Variants in SLC41A3 observed in about 807,000 individuals in gnomAD.
SLC41A3 encodes the protein SLC41A1-like 2.
SLC41A3 carries 44 observed loss-of-function variants against 45.4 expected under a neutral mutation model. That is an observed-to-expected ratio of 0.97 (90% confidence interval 0.76 to 1.25). SLC41A3 has a LOEUF of 1.25. Ranked by LOEUF, SLC41A3 falls within the 50% of genes most tolerant of loss-of-function variation. The pLI, the probability that SLC41A3 is intolerant of heterozygous loss-of-function variation, is 0.00. For missense variants in SLC41A3, 550 were observed against 600.6 expected (o/e 0.92, Z 0.88); for synonymous variants, 256 against 252.4 (o/e 1.01, Z -0.13).
chr3:126,101,074 G>A (rs533834177), intron 1 of SLC41A3, among the ~76,000 whole-genome samples: 23 of 152,336 alleles, frequency 1.5e-4, no homozygotes, highest in African/African-American at 4.8e-4. Flanking sequence ...CCTCCATCGC[G>A]GGCAGCCGCA....
intron 3 of SLC41A3, among the ~76,000 whole-genome samples, chr3:126,049,622 T>C (rs1943193721): frequency 6.6e-6 from 1 of 152,134 alleles, no homozygotes. Context: ...TATACATGAG[T>C]TGTGTGTGCA....
chr3:126,027,389 T>C (rs1281302647), intron 4 of SLC41A3, among the ~76,000 whole-genome samples: 1 of 152,126 alleles, frequency 6.6e-6, no homozygotes, highest in Non-Finnish European at 1.5e-5. Flanking sequence ...TACTCCCCTT[T>C]GCATTCCCCC....
rs553929365 is a variant in SLC41A3, at chr3:126,100,965, C to T, written c.-79+464G>A. 7.3e-4 allele frequency among the ~76,000 whole-genome samples: 111 copies of T among 152,374 alleles called. 1 individual carries two copies. The highest frequency in any genetic ancestry group is 1.4e-3 in the Non-Finnish European group (95 of 68,038). On this transcript the variant is annotated intron_variant, in intron 1 of 9. Coordinates refer to the SLC41A3 transcript ENST00000508835. ...TAACATGGCGAGACATAAACGTTCT[C>T]AAAGGCCACAAAAGCTTATAAAAGC...
chr3:126,067,756 G>T (rs187709165), intron 2 of SLC41A3, among the ~76,000 whole-genome samples, 191 bp downstream of exon 2: 120 of 152,182 alleles, frequency 7.9e-4, no homozygotes, highest in Non-Finnish European at 1.1e-3. Context: ...GTCTACTGAA[G>T]ATTAACTTGG....
At chr3:126,042,896 A>C (rs1235844156) in intron 3 of SLC41A3, among the ~76,000 whole-genome samples, 2 of 152,144 alleles carry the variant, frequency 1.3e-5, no homozygotes, top group African/African-American at 4.8e-5. Flanking sequence ...AATAAAACTT[A>C]ATGGAATTAC....
Position 126,008,750 on chromosome 3 carries a change from C to G in SLC41A3, c.1236G>C (p.Leu412=). ...GGCTTACCTGGATCAGGCCTGCCAG[C>G]AGGTAGAGCACCACAAAGGTCTGGC... ...INSQTFVVLY[L]LAGLIQVTIL... Residue 412 remains leucine (L), a synonymous_variant, in exon 10 of 11, where the codon CTG becomes CTC. Coordinates refer to ENST00000360370, the MANE Select transcript of SLC41A3 (RefSeq NM_017836.4). The G allele has an allele frequency of 6.2e-7, 1 of 1,613,964 alleles. No homozygotes were observed. Among genetic ancestry groups the G allele is most frequent in the South Asian group, 1.1e-5 (1 of 91,062 alleles).
At chr3:126,030,287 A>ATATATATGATATATAATATATAAT (rs1488386844) in intron 4 of SLC41A3, among the ~76,000 whole-genome samples, 3 of 65,324 alleles carry the variant, frequency 4.6e-5, no homozygotes, top group African/African-American at 1.8e-4. Flanking sequence ...ATATATAATT[A>ATATATATGATATATAATATATAAT]TATATATATT....
At chr3:126,092,177 T>C (rs1229856892) in intron 1 of SLC41A3, among the ~76,000 whole-genome samples, 1 of 152,232 alleles carries the variant, frequency 6.6e-6, no homozygotes, top group Admixed American at 6.5e-5. Flanking sequence ...CACTGTGACA[T>C]GCTTTTGATG....
intron 3 of SLC41A3, among the ~76,000 whole-genome samples, chr3:126,035,360 G>C (rs925537679): frequency 2.0e-5 from 3 of 152,160 alleles, no homozygotes; most frequent in Non-Finnish European, 4.4e-5. Flanking sequence ...CTGGTGATGA[G>C]GAGGGAAGGA....
chr3:126,033,682 G>T lies in SLC41A3; in HGVS notation c.382-4C>A. Reference sequence around the variant, plus strand: ...CATCAATTTGTCCAGTGTTGGCCTAGAATGAAGAGAAAAGGACAAAGGTAG... The same window carrying T: ...CATCAATTTGTCCAGTGTTGGCCTATAATGAAGAGAAAAGGACAAAGGTAG... On this transcript the variant is annotated splice_region_variant and splice_polypyrimidine_tract_variant and intron_variant, in intron 3 of 10. Transcript: ENST00000360370. 1 of 1,611,956 alleles carries T rather than the reference G, an allele frequency of 6.2e-7. No homozygotes were observed.
intron 3 of SLC41A3, among the ~76,000 whole-genome samples, chr3:126,050,384 G>C (rs1285739111): frequency 6.6e-6 from 1 of 152,220 alleles, no homozygotes; most frequent in East Asian, 1.9e-4. Context: ...AAGGGAAAAA[G>C]CTTCAGTCTC....
In SLC41A3 at chr3:126,016,733, G is replaced by C. The variant is rs1174174760; in HGVS notation, c.888C>G (p.Ser296Arg). ...CCGTGGCCCTGGCTCCTGCTCACCT[G>C]CTGATGACCATGGCCAGGATGATTG... ...WFPIILAMVISSFGGLILSKT... is the reference protein window; with the variant it reads ...WFPIILAMVIRSFGGLILSKT... The change falls in exon 7 of 11, where the codon AGC becomes AGG. Residue 296 changes from serine to arginine, a missense_variant and splice_region_variant. Physicochemically the swap from Ser to Arg is moderately radical, Grantham distance 110. Transcript: ENST00000360370. 6.2e-7 allele frequency: 1 copy of C among 1,608,600 alleles called. No homozygotes were observed. Among genetic ancestry groups the C allele is most frequent in the Non-Finnish European group, 8.5e-7 (1 of 1,178,022 alleles).
chr3:126,056,423 C>T lies in SLC41A3; in HGVS notation c.274-5373G>A, dbSNP rs140883435. 13,491 of 1,614,202 alleles carry T rather than the reference C, an allele frequency of 8.4e-3. 62 individuals are homozygous for T. The highest frequency in any genetic ancestry group is 9.9e-3 in the Non-Finnish European group (11,721 of 1,180,038). On this transcript the variant is annotated intron_variant, in intron 2 of 10. Coordinates refer to ENST00000360370, the MANE Select transcript of SLC41A3 (RefSeq NM_017836.4). ...AAGCCGGACAGCAGAATGGGCACCA[C>T]GACCTGGCACATGATGGTGAAGAAA...
intron 2 of SLC41A3, among the ~76,000 whole-genome samples, chr3:126,054,983 G>A (rs1331073029): frequency 6.6e-6 from 1 of 152,022 alleles, no homozygotes; most frequent in Non-Finnish European, 1.5e-5. Context: ...AAAAGGGGAT[G>A]AGCGTCCCAT....
chr3:126,014,685 C>A (rs1486561715), intron 8 of SLC41A3, among the ~76,000 whole-genome samples: 1 of 152,260 alleles, frequency 6.6e-6, no homozygotes, highest in Non-Finnish European at 1.5e-5. Flanking sequence ...GGAGGAGGGA[C>A]ACTGTGGACA....
At chr3:126,023,672 AG>A in intron 5 of SLC41A3, 1 of 152,558 alleles carries the variant, frequency 6.6e-6, no homozygotes, top group Middle Eastern at 3.4e-3. Flanking sequence ...GCAGCACTGA[AG>A]AGGTGAGGCT....
chr3:126,031,549 G>C (rs903189071), intron 4 of SLC41A3, among the ~76,000 whole-genome samples: 2 of 152,208 alleles, frequency 1.3e-5, no homozygotes, highest in Admixed American at 1.3e-4. Flanking sequence ...AGAATATGCT[G>C]AAGTTCTTAA....
chr3:126,057,161 C>A (rs771807304), intron 2 of SLC41A3: 1 of 985,416 alleles, frequency 1.0e-6, no homozygotes, highest in African/African-American at 1.7e-5. Context: ...GTCTATGGGT[C>A]CCCAAGCAGG....
chr3:126,100,303 T>C (rs947629345), intron 1 of SLC41A3, among the ~76,000 whole-genome samples: 9 of 152,268 alleles, frequency 5.9e-5, no homozygotes, highest in Non-Finnish European at 1.0e-4. Flanking sequence ...GGCCAGCCTT[T>C]GATTCTGAAT....
Sources: allele counts gnomAD v4.1 joint callset (sites outside exome capture counted in the v4.1 genomes callset), GRCh38; gene constraint gnomAD v4.1.1; transcripts MANE v1.5; gene names NCBI Gene and HGNC (gene_info 2026-07-23, HGNC 2026-07-21).